LDLRAD3: variants seen among roughly 807,000 people sequenced by gnomAD.
The protein encoded by LDLRAD3 is low-density lipoprotein receptor class A domain-containing protein 3.
Under a neutral mutation model 29.4 loss-of-function variants are expected in LDLRAD3, and 20 were observed. The observed-to-expected ratio is 0.68, with a 90% CI of 0.48 to 0.99. The LOEUF (loss-of-function observed/expected upper bound fraction) is 0.99. LDLRAD3 is among the 50% of genes least tolerant of loss of function. LDLRAD3 has a pLI of 0.00. For synonymous variants in LDLRAD3, 157 were observed against 192.7 expected, an observed-to-expected ratio of 0.81 and a Z score of 1.53; for missense variants, 420 against 454.3, an observed-to-expected ratio of 0.92 and a Z score of 0.69.
At chr11:36,189,848 G>A (rs953291850) in intron 4 of LDLRAD3, among the ~76,000 whole-genome samples, 4 of 151,932 alleles carry the variant, frequency 2.6e-5, no homozygotes, top group African/African-American at 4.8e-5. Flanking sequence ...TTGTTCTTGC[G>A]ATAGTTTGCT....
At chr11:36,034,783 C>T (rs910097367) in intron 1 of LDLRAD3, among the ~76,000 whole-genome samples, 1 of 152,104 alleles carries the variant, frequency 6.6e-6, no homozygotes, top group South Asian at 2.1e-4. Context: ...AGAGGAAAGG[C>T]GACATATTTG....
chr11:36,202,763 C>T (rs2133375512), intron 4 of LDLRAD3, among the ~76,000 whole-genome samples: 1 of 152,244 alleles, frequency 6.6e-6, no homozygotes, highest in East Asian at 1.9e-4. Context: ...CTTCATACTA[C>T]AGATAGATGT....
chr11:36,071,380 A>G (rs904487104), intron 2 of LDLRAD3, among the ~76,000 whole-genome samples: 34 of 152,216 alleles, frequency 2.2e-4, no homozygotes, highest in Non-Finnish European at 4.1e-4. Context: ...TAAAGCATGC[A>G]TGTCCTTTGA....
chr11:36,001,302 T>G (rs1851820962), intron 1 of LDLRAD3: 1 of 152,224 alleles, frequency 6.6e-6, no homozygotes, highest in Admixed American at 6.5e-5. Context: ...GCCGCACCCA[T>G]TAACTCGTCA....
At chr11:36,224,701 C>A (rs1020142004) in intron 4 of LDLRAD3, among the ~76,000 whole-genome samples, 4 of 152,162 alleles carry the variant, frequency 2.6e-5, no homozygotes, top group African/African-American at 4.8e-5. Flanking sequence ...GCTGGAGAGA[C>A]AAATTAACAC....
chr11:35,947,080 C>A (rs1851066787), intron 1 of LDLRAD3, among the ~76,000 whole-genome samples: 1 of 152,042 alleles, frequency 6.6e-6, no homozygotes, highest in African/African-American at 2.4e-5. Context: ...AAATTCTGGG[C>A]CTTGAAGAGT....
At chr11:36,121,159 G>T (rs1357113087) in intron 4 of LDLRAD3, among the ~76,000 whole-genome samples, 1 of 152,078 alleles carries the variant, frequency 6.6e-6, no homozygotes, top group Non-Finnish European at 1.5e-5. Context: ...TGGATGAAAT[G>T]AATAAACGAC....
chr11:35,952,077 G>A (rs139937458), intron 1 of LDLRAD3, among the ~76,000 whole-genome samples: 37 of 152,280 alleles, frequency 2.4e-4, no homozygotes, highest in Non-Finnish European at 4.7e-4. Context: ...CCCTGCTGGT[G>A]GATCTTATTT....
At chr11:36,096,264 C>T (rs1853359574) in intron 3 of LDLRAD3, among the ~76,000 whole-genome samples, 1 of 152,230 alleles carries the variant, frequency 6.6e-6, no homozygotes, top group Non-Finnish European at 1.5e-5. Flanking sequence ...CAAGTCCTTG[C>T]AGCTGTGATC....
At chr11:35,993,661 CA>C (rs59468652) in intron 1 of LDLRAD3, among the ~76,000 whole-genome samples, 5,392 of 61,620 alleles carry the variant, frequency 0.088, 211 homozygotes, top group Admixed American at 0.19. Flanking sequence ...GCCAGAGATA[CA>C]AAAAAAAAAA....
At chr11:36,150,938 C>T (rs1218019379) in intron 4 of LDLRAD3, among the ~76,000 whole-genome samples, 1 of 152,078 alleles carries the variant, frequency 6.6e-6, no homozygotes, top group African/African-American at 2.4e-5. Flanking sequence ...GTCTTGCTGT[C>T]TGTGTTCAAA....
chr11:36,165,676 G>C (rs1265866259), intron 4 of LDLRAD3, among the ~76,000 whole-genome samples: 1 of 152,078 alleles, frequency 6.6e-6, no homozygotes, highest in Non-Finnish European at 1.5e-5. Flanking sequence ...TTCTAGGAAA[G>C]TGCTCTTGAA....
At chr11:36,226,584 T>C (rs559000819) in intron 4 of LDLRAD3, among the ~76,000 whole-genome samples, 19 of 152,244 alleles carry the variant, frequency 1.2e-4, no homozygotes, top group Non-Finnish European at 2.1e-4. Context: ...GTTCAGTGAT[T>C]TTGCGGGGGG....
intron 4 of LDLRAD3, among the ~76,000 whole-genome samples, chr11:36,211,095 C>T (rs1855278308): frequency 6.6e-6 from 1 of 152,216 alleles, no homozygotes; most frequent in South Asian, 2.1e-4. Context: ...TTAACATTAG[C>T]CCTTCTTGGG....
chr11:35,967,190 G>A lies in LDLRAD3; in HGVS notation c.46+23046G>A, dbSNP rs779043580. 125 of 201,598 alleles carry A rather than the reference G, an allele frequency of 6.2e-4. 2 individuals carry two copies. The highest frequency in any genetic ancestry group is 4.9e-4 in the Admixed American group (10 of 20,488). The allele number at this position is 201,598 out of a possible 1,614,324, so 12.5% of individuals were successfully genotyped here. Reference sequence around the variant, plus strand: ...CCTTAGTTCCCTTTCCAGTGCAGCTGTCTTGGACTTTTCCAAATTCAGCTG... The same window carrying A: ...CCTTAGTTCCCTTTCCAGTGCAGCTATCTTGGACTTTTCCAAATTCAGCTG... On this transcript the variant is annotated intron_variant, in intron 1 of 5. Coordinates refer to ENST00000315571, the MANE Select transcript of LDLRAD3 (RefSeq NM_174902.4).
Position 36,050,653 on chromosome 11 carries a change from T to G in LDLRAD3, c.193+14404T>G, listed in dbSNP as rs192852953. ...GACCTGACTGCTGCATCCTCTCTAT[T>G]TTTCGTCACTACTGGCACTCAGAGC... On this transcript the variant is annotated intron_variant, in intron 2 of 5. Coordinates refer to ENST00000315571, the MANE Select transcript of LDLRAD3 (RefSeq NM_174902.4). 3.7e-3 allele frequency among the ~76,000 whole-genome samples: 562 copies of G among 152,304 alleles called. 7 individuals are homozygous for G. In the Middle Eastern group the frequency reaches 0.044, roughly 12 times the overall value.
At chr11:36,190,233 A>G (rs115167224) in intron 4 of LDLRAD3, among the ~76,000 whole-genome samples, 211 of 152,356 alleles carry the variant, frequency 1.4e-3, no homozygotes, top group African/African-American at 4.7e-3. Flanking sequence ...AGGACTAAAC[A>G]GGAAAGGACT....
intron 1 of LDLRAD3, among the ~76,000 whole-genome samples, chr11:35,951,247 T>G (rs1851131174): frequency 6.6e-6 from 1 of 152,200 alleles, no homozygotes; most frequent in Non-Finnish European, 1.5e-5. Context: ...TTGTCTGGTA[T>G]ATATCAATTT....
At chr11:36,016,320 G>T (rs1465737689) in intron 1 of LDLRAD3, among the ~76,000 whole-genome samples, 2 of 152,198 alleles carry the variant, frequency 1.3e-5, no homozygotes, top group Non-Finnish European at 2.9e-5. Flanking sequence ...TCCTTGTTCA[G>T]TTTTTCTTTT....
Sources: allele counts gnomAD v4.1 joint callset (sites outside exome capture counted in the v4.1 genomes callset), GRCh38; gene constraint gnomAD v4.1.1; transcripts MANE v1.5; gene names NCBI Gene and HGNC (gene_info 2026-07-23, HGNC 2026-07-21).